Variants in AOPEP observed in about 807,000 individuals in gnomAD.
The protein encoded by AOPEP is aminopeptidase O.
A neutral mutation model predicts 98.1 loss-of-function variants in AOPEP; 77 were observed. That is an observed-to-expected ratio of 0.78 (90% confidence interval 0.65 to 0.95). The LOEUF is 0.95. Ranked by LOEUF, AOPEP falls within the 40% of genes least tolerant of loss-of-function variation. The pLI is 0.00. For synonymous variants in AOPEP, 346 were observed against 365.3 expected (o/e 0.95, Z 0.60); for missense variants, 1,024 against 1,024.7 (o/e 1.00, Z 0.01).
intron 2 of AOPEP, among the ~76,000 whole-genome samples, chr9:94,768,221 G>A (rs1840060188): frequency 6.6e-6 from 1 of 152,010 alleles, no homozygotes; most frequent in East Asian, 1.9e-4. Flanking sequence ...CCACACATGG[G>A]GCCACTGTGG....
intron 13 of AOPEP, among the ~76,000 whole-genome samples, chr9:95,030,752 A>G (rs1288229894): frequency 6.6e-6 from 1 of 152,276 alleles, no homozygotes; most frequent in African/African-American, 2.4e-5. Context: ...GCTCCCCATC[A>G]TGACTTGTGT....
intron 3 of AOPEP, among the ~76,000 whole-genome samples, chr9:94,779,801 C>G (rs1842897141): frequency 6.6e-6 from 1 of 152,088 alleles, no homozygotes; most frequent in Non-Finnish European, 1.5e-5. Flanking sequence ...ACCTGTTCTA[C>G]CCTGAGCCAC....
the AOPEP span, chr9:95,107,505 G>A: frequency 1.0e-5 from 6 of 591,050 alleles, no homozygotes; most frequent in Non-Finnish European, 1.8e-5. Context: ...CACCATGCCA[G>A]GAACTGACCT....
chr9:95,081,666 A>G (rs1451162501), intron 15 of AOPEP, among the ~76,000 whole-genome samples: 1 of 152,240 alleles, frequency 6.6e-6, no homozygotes, highest in East Asian at 1.9e-4. Context: ...ACAGGAGTAT[A>G]AGAAGGACAA....
chr9:94,780,569 G>A (rs919067966), intron 3 of AOPEP, among the ~76,000 whole-genome samples: 4 of 152,148 alleles, frequency 2.6e-5, no homozygotes, highest in African/African-American at 9.7e-5. Flanking sequence ...GGACAATCAG[G>A]AAACAGTACT....
In AOPEP at chr9:94,837,967, A is replaced by G. The variant is rs1190725780; in HGVS notation, c.1364+36965A>G. Among the ~76,000 whole-genome samples the G allele has an allele frequency of 2.0e-5, 3 of 152,226 alleles. No homozygotes were observed. The East Asian group carries it at 5.8e-4, about 29-fold the overall frequency. On this transcript the variant is annotated intron_variant, in intron 5 of 16. Transcript: ENST00000375315. ...ATCCAAATTGGTAAAGAGGAAATCA[A>G]ATTGTCACTGTTTGCTGATGACATG...
intron 11 of AOPEP, among the ~76,000 whole-genome samples, chr9:94,993,811 T>C (rs1001973290): frequency 1.3e-5 from 2 of 152,166 alleles, no homozygotes; most frequent in African/African-American, 4.8e-5. Context: ...TCACCAACTT[T>C]ATTGGCATGA....
Position 95,005,140 on chromosome 9 carries a change from T to G in AOPEP, c.1978-18T>G. 8.8e-7 allele frequency: 1 copy of G among 1,132,938 alleles called. No individual in the cohort carries two copies. Among genetic ancestry groups the G allele is most frequent in the South Asian group, 3.6e-5 (1 of 28,074 alleles). 70.2% of individuals were successfully genotyped at this position (1,132,938 alleles called of 1,614,324 possible). A position where few individuals can be genotyped will look rare whatever the true frequency, so the allele number is the denominator to read the frequency against. ...GCCGCTCCCGCGGTAAACTTGACTG[T>G]GTCCTCTTCCCCCGCAGCCGCTGCA... On this transcript the variant is annotated intron_variant, in intron 11 of 16. Transcript: ENST00000375315.
the AOPEP span, among the ~76,000 whole-genome samples, chr9:95,122,257 T>G: frequency 3.9e-5 from 6 of 152,124 alleles, no homozygotes; most frequent in African/African-American, 1.4e-4. Flanking sequence ...TTACAGATAC[T>G]CATTTTATTA....
At chr9:94,987,096 A>T (rs991538847) in intron 11 of AOPEP, among the ~76,000 whole-genome samples, 2 of 152,224 alleles carry the variant, frequency 1.3e-5, no homozygotes, top group Admixed American at 6.5e-5. Flanking sequence ...CCATGAGTAG[A>T]TCCCACACAT....
chr9:95,130,980 C>T, the AOPEP span, among the ~76,000 whole-genome samples: 1 of 152,108 alleles, frequency 6.6e-6, no homozygotes. Flanking sequence ...CTCTAAATAT[C>T]CCTTTTACAT....
intron 16 of AOPEP, chr9:95,086,311 C>T: frequency 2.0e-6 from 2 of 985,458 alleles, no homozygotes; most frequent in South Asian, 4.7e-5. Flanking sequence ...GAAGGCAGGA[C>T]ACAGTGCCAG....
intron 1 of AOPEP, among the ~76,000 whole-genome samples, chr9:94,750,996 CT>C (rs1161231172): frequency 6.6e-6 from 1 of 152,036 alleles, no homozygotes; most frequent in African/African-American, 2.4e-5. Context: ...ATCCGCCCAC[CT>C]TGGCCTCTCA....
rs955697798 is a variant in AOPEP, at chr9:94,881,052, T to C, written c.1365-42934T>C. 5.3e-5 allele frequency among the ~76,000 whole-genome samples: 8 copies of C among 152,134 alleles called. 1 individual carries two copies. The highest frequency in any genetic ancestry group is 9.7e-5 in the African/African-American group (4 of 41,428). On this transcript the variant is annotated intron_variant, in intron 5 of 16. Coordinates refer to ENST00000375315, the MANE Select transcript of AOPEP (RefSeq NM_001193329.3). The stretch of plus-strand genomic sequence containing the variant: ...TAAGTAGGTTTTAGATGGAGTAGCA[T>C]TTTAGATGGAGGTCAGAAGGAGGCA...
At chr9:95,105,069 C>T in the AOPEP span, among the ~76,000 whole-genome samples, 10 of 152,326 alleles carry the variant, frequency 6.6e-5, no homozygotes, top group South Asian at 1.9e-3. Flanking sequence ...GTGCTGGGGC[C>T]GGGCCCAAAG....
the AOPEP span, among the ~76,000 whole-genome samples, chr9:95,144,871 G>A: frequency 1.3e-5 from 2 of 152,244 alleles, no homozygotes; most frequent in African/African-American, 2.4e-5. Flanking sequence ...CGTTCACAAC[G>A]CCCTTTACTC....
chr9:94,860,593 G>A (rs530097169), intron 5 of AOPEP, among the ~76,000 whole-genome samples: 94 of 152,230 alleles, frequency 6.2e-4, no homozygotes, highest in African/African-American at 2.2e-3. Context: ...AAATTGGAGA[G>A]TTCCAAGATA....
chr9:94,809,627 C>T (rs529999525), intron 5 of AOPEP, among the ~76,000 whole-genome samples: 1 of 152,222 alleles, frequency 6.6e-6, no homozygotes, highest in East Asian at 1.9e-4. Flanking sequence ...TTGGGACTCA[C>T]AGTTTGGTGC....
chr9:94,761,674 T>G (rs1838332058), intron 2 of AOPEP, among the ~76,000 whole-genome samples: 1 of 152,224 alleles, frequency 6.6e-6, no homozygotes, highest in Non-Finnish European at 1.5e-5. Context: ...TTACCTTCTG[T>G]TCTGGTCTCT....
Sources: gnomAD v4.1 joint callset for allele counts (sites outside exome capture counted in the v4.1 genomes callset) on GRCh38, gnomAD v4.1.1 for gene constraint, MANE v1.5 for transcripts, NCBI Gene and HGNC (gene_info 2026-07-23, HGNC 2026-07-21) for gene names.